MICAL2: variants seen among roughly 807,000 people sequenced by gnomAD.
MICAL2 encodes microtubule associated monooxygenase, calponin and LIM domain containing 2.
In MICAL2, 77 loss-of-function variants were observed where a neutral mutation model predicts 127.3. That is an observed-to-expected ratio of 0.60 (90% CI 0.50 to 0.73). The LOEUF is 0.73. Ranked by LOEUF, MICAL2 falls within the 30% of genes least tolerant of loss-of-function variation. The pLI, the probability that MICAL2 is intolerant of heterozygous loss-of-function variation, is 0.00. For synonymous variants in MICAL2, 570 were observed against 551.1 expected (o/e 1.03, Z -0.48); for missense variants, 1,351 against 1,434.4 (o/e 0.94, Z 0.94).
intron 2 of MICAL2, among the ~76,000 whole-genome samples, chr11:12,146,153 G>A (rs191354010): frequency 1.8e-4 from 28 of 152,230 alleles, no homozygotes; most frequent in African/African-American, 6.5e-4. Context: ...ACATAGGCAT[G>A]GGCAAGGACT....
chr11:12,347,560 T>C (rs1407107522), intron 32 of MICAL2, among the ~76,000 whole-genome samples: 1 of 152,166 alleles, frequency 6.6e-6, no homozygotes. Flanking sequence ...AAGTAAATAA[T>C]TTGGGATATT....
At chr11:12,198,146 G>C (rs938812520) in intron 3 of MICAL2, among the ~76,000 whole-genome samples, 1 of 152,180 alleles carries the variant, frequency 6.6e-6, no homozygotes, top group Non-Finnish European at 1.5e-5. Flanking sequence ...GTGATTTTGA[G>C]CATGTACCCT....
chr11:12,209,646 G>A (rs1314977914), intron 6 of MICAL2, 48 bp downstream of exon 6: 1 of 1,507,702 alleles, frequency 6.6e-7, no homozygotes, highest in Non-Finnish European at 9.2e-7. Flanking sequence ...GGGAATGGGA[G>A]AGGGTACATT....
exon 30 of MICAL2, chr11:12,319,763 C>T (rs772692989): frequency 6.2e-7 from 1 of 1,614,140 alleles, no homozygotes; most frequent in African/African-American, 1.3e-5. Flanking sequence ...CAACCTCCTC[C>T]TCCTCTGCAG....
chr11:12,358,732 G>C (rs1325987508), downstream of MICAL2: 3 of 283,354 alleles, frequency 1.1e-5, no homozygotes, highest in East Asian at 1.7e-4. Context: ...GACTGGAGGT[G>C]TTGTTGGCAG....
chr11:12,227,645 A>G (rs1857651115), intron 15 of MICAL2, among the ~76,000 whole-genome samples: 1 of 152,250 alleles, frequency 6.6e-6, no homozygotes, highest in South Asian at 2.1e-4. Context: ...GCAAATATAC[A>G]GAAGTGAATA....
chr11:12,233,537 A>C (rs1241506431), intron 15 of MICAL2, among the ~76,000 whole-genome samples: 1 of 152,230 alleles, frequency 6.6e-6, no homozygotes, highest in East Asian at 1.9e-4. Flanking sequence ...GCAGTATGGG[A>C]ACATGGTTAT....
intron 34 of MICAL2, among the ~76,000 whole-genome samples, chr11:12,356,466 T>C (rs12277582): frequency 0.72 from 109,937 of 151,970 alleles, 44,186 homozygotes; most frequent in East Asian, 0.93. Flanking sequence ...CTGTGTGACC[T>C]TGTGGTGGCA....
intron 1 of MICAL2, among the ~76,000 whole-genome samples, chr11:12,120,712 G>T (rs928476177): frequency 6.6e-6 from 1 of 152,248 alleles, no homozygotes; most frequent in African/African-American, 2.4e-5. Context: ...GTACCATGTG[G>T]TAGAAACGTG....
intron 15 of MICAL2, among the ~76,000 whole-genome samples, chr11:12,230,247 A>C (rs554279269): frequency 4.1e-4 from 62 of 152,332 alleles, no homozygotes; most frequent in Admixed American, 1.8e-3. Context: ...CCCATTAGCA[A>C]AGAACAGTGA....
intron 27 of MICAL2, 126 bp downstream of exon 27, chr11:12,262,663 A>C: frequency 1.2e-6 from 1 of 804,146 alleles, no homozygotes; most frequent in Non-Finnish European, 2.1e-6. Flanking sequence ...TGATGGACTC[A>C]TTTGGTGGCA....
chr11:12,218,038 T>A (rs1029312014), intron 8 of MICAL2, among the ~76,000 whole-genome samples: 9 of 152,218 alleles, frequency 5.9e-5, no homozygotes, highest in Non-Finnish European at 1.3e-4. Context: ...CATATCTTCC[T>A]ATAGCCACAC....
upstream of MICAL2, among the ~76,000 whole-genome samples, chr11:12,271,932 G>A (rs1376264795): frequency 1.3e-5 from 2 of 152,076 alleles, no homozygotes; most frequent in Non-Finnish European, 2.9e-5. Flanking sequence ...CTTTTTTACA[G>A]AGTCTCTACC....
Position 12,202,123 on chromosome 11 carries a change from A to C in MICAL2, c.265-2127A>C, listed in dbSNP as rs1285969222. 0.021 allele frequency among the ~76,000 whole-genome samples: 25 copies of C among 1,210 alleles called. No individual in the cohort carries two copies. In the South Asian group the frequency reaches 0.31, roughly 15 times the overall value. 0.8% of individuals were successfully genotyped at this position (1,210 alleles called of 152,430 possible). A position where few individuals can be genotyped will look rare whatever the true frequency, so the allele number is the denominator to read the frequency against. On this transcript the variant is annotated intron_variant, in intron 3 of 27. Coordinates refer to ENST00000683283, the MANE Select transcript of MICAL2 (RefSeq NM_001282663.2). ...GGCAACAAGAGTGAAACTGTGTCTC[A>C]AAAAAAAAAAAGACTTTTACCATTT...
intron 2 of MICAL2, among the ~76,000 whole-genome samples, chr11:12,285,350 C>G (rs1863813392): frequency 6.6e-6 from 1 of 152,184 alleles, no homozygotes; most frequent in Admixed American, 6.5e-5. Context: ...CAACTTCCAG[C>G]TGCATGACTC....
rs554072539 is a variant in MICAL2, at chr11:12,122,079, A to G, written c.-149+11353A>G. Among the ~76,000 whole-genome samples the G allele has an allele frequency of 3.3e-5, 5 of 152,356 alleles. No individual in the cohort carries two copies. In the East Asian group the frequency reaches 9.6e-4, roughly 29 times the overall value. On this transcript the variant is annotated intron_variant, in intron 1 of 27. Coordinates refer to ENST00000683283, the MANE Select transcript of MICAL2 (RefSeq NM_001282663.2). Reference sequence around the variant, plus strand: ...AGATTTTTGGAGTACTCTCAATTTGAAGCATGCTGTCACAGACAGACCATG... The same window carrying G: ...AGATTTTTGGAGTACTCTCAATTTGGAGCATGCTGTCACAGACAGACCATG...
At chr11:12,253,194 C>A (rs567997253) in intron 22 of MICAL2, 1 of 152,492 alleles carries the variant, frequency 6.6e-6, no homozygotes, top group African/African-American at 2.4e-5. Flanking sequence ...TTCCCCAGCT[C>A]TTTGACACCT....
chr11:12,341,769 G>A (rs1438114446), intron 32 of MICAL2, among the ~76,000 whole-genome samples: 1 of 152,120 alleles, frequency 6.6e-6, no homozygotes, highest in Non-Finnish European at 1.5e-5. Context: ...GGAGTTTGTG[G>A]TGGGCCAAAA....
chr11:12,183,043 C>T (rs538436714), intron 3 of MICAL2, among the ~76,000 whole-genome samples: 5 of 152,260 alleles, frequency 3.3e-5, no homozygotes, highest in South Asian at 4.2e-4. Context: ...ATGGAAAATG[C>T]AGCCTATTGT....
Sources: gnomAD v4.1 joint callset for allele counts (sites outside exome capture counted in the v4.1 genomes callset) on GRCh38, gnomAD v4.1.1 for gene constraint, MANE v1.5 for transcripts, NCBI Gene and HGNC (gene_info 2026-07-23, HGNC 2026-07-21) for gene names.